LPIN2: variants seen among roughly 807,000 people sequenced by gnomAD.
The protein encoded by LPIN2 is phosphatidate phosphatase LPIN2.
In LPIN2, 55 loss-of-function variants were observed where a neutral mutation model predicts 111.4. The observed-to-expected ratio is 0.49, with a 90% CI of 0.40 to 0.62. The LOEUF (loss-of-function observed/expected upper bound fraction) is 0.62. Ranked by LOEUF, LPIN2 falls within the 20% of genes least tolerant of loss-of-function variation. LPIN2 has a pLI of 0.00. For missense variants in LPIN2, 992 were observed against 1,112.1 expected (o/e 0.89, Z 1.54); for synonymous variants, 425 against 414.0 (o/e 1.03, Z -0.32).
intron 1 of LPIN2, chr18:2,972,500 A>G (rs1386738132): frequency 6.6e-6 from 1 of 152,250 alleles, no homozygotes; most frequent in Non-Finnish European, 1.5e-5. Context: ...TACAGAGCAC[A>G]GCCTTTAAGG....
intron 1 of LPIN2, among the ~76,000 whole-genome samples, chr18:3,010,175 C>T (rs73939709): frequency 0.018 from 2,706 of 152,222 alleles, 78 homozygotes; most frequent in African/African-American, 0.061. Flanking sequence ...ATGTAATAAG[C>T]GTTTAGTGTT....
At chr18:2,987,004 G>T (rs767917306) in intron 1 of LPIN2, among the ~76,000 whole-genome samples, 18 of 152,142 alleles carry the variant, frequency 1.2e-4, no homozygotes, top group Non-Finnish European at 7.3e-5. Context: ...CCTGTTAATT[G>T]CCTAATTGTT....
Position 2,917,358 on chromosome 18 carries a change from C to G in LPIN2, c.*2935G>C, listed in dbSNP as rs954450963. The G allele has an allele frequency of 1.3e-5, 2 of 151,016 alleles. No homozygotes were observed. Among genetic ancestry groups the G allele is most frequent in the African/African-American group, 2.5e-5 (1 of 40,330 alleles). 9.4% of individuals were successfully genotyped at this position (151,016 alleles called of 1,614,324 possible). On this transcript the variant is annotated 3_prime_UTR_variant, in exon 20 of 20. Coordinates refer to ENST00000677752, the MANE Select transcript of LPIN2 (RefSeq NM_001375808.2). ...GAAGCTCTACAACACGGGAAAACAT[C>G]GAAATTCCCCGGAAGTCTGTTTTTG... is the stretch of plus-strand genomic sequence containing the variant.
At chr18:3,003,104 G>C (rs1232178968) in intron 1 of LPIN2, among the ~76,000 whole-genome samples, 2 of 152,166 alleles carry the variant, frequency 1.3e-5, no homozygotes, top group Non-Finnish European at 1.5e-5. Flanking sequence ...TATTACAAAA[G>C]AGACAACTGA....
rs554150176 is a variant in LPIN2 at position 2,946,038 on chromosome 18, A to G, written c.590+5017T>C. The stretch of plus-strand genomic sequence containing the variant: ...CACAGACTTCTTCTAGACTCTCTAG[A>G]CCCCGATATGTCTTTGAACACCCTC... On this transcript the variant is annotated intron_variant, in intron 4 of 19. Coordinates refer to ENST00000677752, the MANE Select transcript of LPIN2 (RefSeq NM_001375808.2). 58 of 1,406,092 alleles carry G rather than the reference A, an allele frequency of 4.1e-5. No individual in the cohort carries two copies. The East Asian group carries it at 1.3e-3, about 32-fold the overall frequency. 87.1% of individuals were successfully genotyped at this position (1,406,092 alleles called of 1,614,324 possible). A position where few individuals can be genotyped will look rare whatever the true frequency, so the allele number is the denominator to read the frequency against.
intron 1 of LPIN2, among the ~76,000 whole-genome samples, chr18:2,986,547 T>TAAAA (rs1555606339): frequency 7.4e-6 from 1 of 135,044 alleles, no homozygotes; most frequent in Non-Finnish European, 1.6e-5. Context: ...TTTTTTAATG[T>TAAAA]AAAAAAAAAA....
At chr18:2,970,235 C>CT (rs2077884578) in intron 1 of LPIN2, among the ~76,000 whole-genome samples, 1 of 152,194 alleles carries the variant, frequency 6.6e-6, no homozygotes, top group Non-Finnish European at 1.5e-5. Context: ...AAAAACAGGG[C>CT]TCCCTGGATT....
intron 1 of LPIN2, among the ~76,000 whole-genome samples, chr18:2,993,137 C>T (rs1333829935): frequency 6.8e-6 from 1 of 146,260 alleles, no homozygotes; most frequent in African/African-American, 2.6e-5. Flanking sequence ...AGAGCGAGAC[C>T]CTGACGGAGG....
At chr18:2,999,335 G>T (rs1269996208) in intron 1 of LPIN2, among the ~76,000 whole-genome samples, 2 of 151,970 alleles carry the variant, frequency 1.3e-5, no homozygotes, top group Non-Finnish European at 2.9e-5. Context: ...CGTGGCCCAC[G>T]CCTGTAATCC....
chr18:3,011,303 C>T (rs2078598315), intron 1 of LPIN2, among the ~76,000 whole-genome samples: 1 of 152,170 alleles, frequency 6.6e-6, no homozygotes, highest in Non-Finnish European at 1.5e-5. Context: ...CCTATTGACT[C>T]TCGACTGTGC....
intron 1 of LPIN2, among the ~76,000 whole-genome samples, chr18:2,994,863 A>G (rs11664104): frequency 0.19 from 28,161 of 152,168 alleles, 3,092 homozygotes; most frequent in Non-Finnish European, 0.25. Context: ...AACAGATGGT[A>G]TATGGCCCTG....
At position 2,920,229 on chromosome 18, in the gene LPIN2, G is replaced by A. The variant is rs576577369; in HGVS notation, c.*64C>T. 15 of 1,605,486 alleles carry A rather than the reference G, an allele frequency of 9.3e-6. No homozygotes were observed. In the African/African-American group the frequency reaches 2.0e-4, roughly 21 times the overall value. ...GCTGGTATCTGAGGTCAGCAGAAGA[G>A]CCAGCTGCCTTCCCTTGCTGTGGGG... On this transcript the variant is annotated 3_prime_UTR_variant, in exon 20 of 20. Coordinates refer to ENST00000677752, the MANE Select transcript of LPIN2 (RefSeq NM_001375808.2).
rs554663835 is a variant in LPIN2 at position 2,970,985 on chromosome 18, G to A, written c.-9-10136C>T. ...GAGTAGGGCTCAGAAAAGGGAAGAC[G>A]CTTTCCCAGTATAGCAATGCACCCT... On this transcript the variant is annotated intron_variant, in intron 1 of 19. Transcript: ENST00000677752. Among the ~76,000 whole-genome samples, 4 of 152,266 alleles carry A rather than the reference G, an allele frequency of 2.6e-5. No individual in the cohort carries two copies. In the South Asian group the frequency reaches 6.2e-4, roughly 24 times the overall value.
chr18:2,934,476 A>C (rs113414781), intron 7 of LPIN2, 26 bp from the exon 8 acceptor site: 9 of 1,448,862 alleles, frequency 6.2e-6, no homozygotes, highest in Non-Finnish European at 8.7e-6. Context: ...ATCAGAGGTA[A>C]GAATTTAGTT....
intron 9 of LPIN2, among the ~76,000 whole-genome samples, chr18:2,929,895 G>A (rs1003196323): frequency 6.6e-6 from 1 of 152,170 alleles, no homozygotes; most frequent in African/African-American, 2.4e-5. Context: ...GGGTGACAGA[G>A]CAAGGCTCTG....
intron 16 of LPIN2, among the ~76,000 whole-genome samples, 159 bp downstream of exon 16, chr18:2,923,616 C>T (rs1026570328): frequency 2.6e-5 from 4 of 152,060 alleles, no homozygotes; most frequent in Non-Finnish European, 4.4e-5. Flanking sequence ...CAGGTGCACA[C>T]GGCTCCCACA....
Position 2,929,219 on chromosome 18 carries a change from T to C in LPIN2, c.1457-61A>G, listed in dbSNP as rs530323082. 8.6e-6 allele frequency: 9 copies of C among 1,045,984 alleles called. No homozygotes were observed. The East Asian group carries it at 1.2e-4, about 14-fold the overall frequency. The allele number at this position is 1,045,984 out of a possible 1,614,324, so 64.8% of individuals were successfully genotyped here. On this transcript the variant is annotated intron_variant, in intron 9 of 19. Transcript: ENST00000677752. ...TTACATAAATCCCTATATGAGATTA[T>C]AATACTCTCTGCATTGCAGAAATTG...
chr18:2,954,086 A>C (rs1186663762), intron 3 of LPIN2, among the ~76,000 whole-genome samples: 1 of 152,260 alleles, frequency 6.6e-6, no homozygotes, highest in African/African-American at 2.4e-5. Context: ...GTAATATCCC[A>C]ACCAAAATGG....
At chr18:3,012,941 G>A (rs1249862080) in intron 1 of LPIN2, 146 bp downstream of exon 1, 1 of 151,232 alleles carries the variant, frequency 6.6e-6, no homozygotes, top group Non-Finnish European at 1.5e-5. Context: ...GGCGCGAGGA[G>A]GGGCGGCTCA....
Sources: allele counts gnomAD v4.1 joint callset (sites outside exome capture counted in the v4.1 genomes callset), GRCh38; gene constraint gnomAD v4.1.1; transcripts MANE v1.5; gene names NCBI Gene and HGNC (gene_info 2026-07-23, HGNC 2026-07-21).